The following SNX29 variants were observed in gnomAD, a reference collection of about 807,000 sequenced individuals.
SNX29 encodes the protein sorting nexin 29, also known as sorting nexin-29.
Under a neutral mutation model 102.1 loss-of-function variants are expected in SNX29, and 78 were observed. That is an observed-to-expected ratio of 0.76 (90% CI 0.64 to 0.92). The LOEUF is 0.92. Among genes scored for constraint, SNX29 ranks in the 40% least tolerant of loss-of-function variants. The pLI, the probability that SNX29 is intolerant of heterozygous loss-of-function variation, is 0.00. For missense variants in SNX29, 1,280 were observed against 1,061.7 expected (o/e 1.21, Z -2.86); for synonymous variants, 580 against 414.5 (o/e 1.40, Z -4.85).
At chr16:12,557,916 G>GGGCA (rs1476722376) in intron 20 of SNX29, among the ~76,000 whole-genome samples, 4 of 152,284 alleles carry the variant, frequency 2.6e-5, no homozygotes, top group African/African-American at 4.8e-5. Flanking sequence ...CAAGTCGTCA[G>GGGCA]GGCAGGCAGG....
At chr16:12,365,691 CAA>C (rs570712989) in intron 16 of SNX29, among the ~76,000 whole-genome samples, 7 of 129,424 alleles carry the variant, frequency 5.4e-5, no homozygotes, top group Admixed American at 7.9e-5. Flanking sequence ...ACTCCATCTC[CAA>C]AAAAAAAAAA....
intron 15 of SNX29, among the ~76,000 whole-genome samples, chr16:12,295,229 A>G (rs527266356): frequency 3.3e-4 from 50 of 152,100 alleles, no homozygotes; most frequent in Admixed American, 1.7e-3. Flanking sequence ...CTCCACTTCT[A>G]CTCGTCCCAG....
chr16:12,033,996 G>A (rs2057409777), intron 4 of SNX29, among the ~76,000 whole-genome samples: 1 of 152,014 alleles, frequency 6.6e-6, no homozygotes, highest in Non-Finnish European at 1.5e-5. Context: ...TTCAGAACAT[G>A]CTGCTCATTT....
intron 16 of SNX29, among the ~76,000 whole-genome samples, chr16:12,378,480 T>A (rs1418472814): frequency 6.6e-6 from 1 of 152,050 alleles, no homozygotes; most frequent in Non-Finnish European, 1.5e-5. Context: ...TGAACCTTGT[T>A]TCTACTAAAA....
At chr16:12,479,391 T>C (rs190159865) in intron 19 of SNX29, among the ~76,000 whole-genome samples, 8 of 152,356 alleles carry the variant, frequency 5.3e-5, no homozygotes, top group African/African-American at 1.9e-4. Flanking sequence ...GGGAAATCTA[T>C]TCCCAACCCT....
intron 13 of SNX29, among the ~76,000 whole-genome samples, chr16:12,187,237 A>G (rs997480929): frequency 3.3e-5 from 5 of 152,162 alleles, no homozygotes; most frequent in Non-Finnish European, 7.4e-5. Flanking sequence ...TGTTACCTGC[A>G]CTGCCCCTCT....
At chr16:12,345,958 C>T (rs182072894) in intron 15 of SNX29, among the ~76,000 whole-genome samples, 105 of 152,294 alleles carry the variant, frequency 6.9e-4, no homozygotes, top group African/African-American at 2.5e-3. Context: ...AGCACACAGT[C>T]CCGTCAGCTT....
At chr16:12,108,624 T>G (rs769226245) in intron 11 of SNX29, among the ~76,000 whole-genome samples, 1 of 152,022 alleles carries the variant, frequency 6.6e-6, no homozygotes, top group Non-Finnish European at 1.5e-5. Flanking sequence ...AACAGCCCTG[T>G]GAGTTGAGTG....
chr16:12,271,181 G>GT (rs897306323), intron 14 of SNX29, among the ~76,000 whole-genome samples: 1 of 152,252 alleles, frequency 6.6e-6, no homozygotes, highest in African/African-American at 2.4e-5. Flanking sequence ...CAATCTTTGT[G>GT]TGGGATAGAC....
At chr16:12,439,011 C>T (rs2085672021) in intron 18 of SNX29, among the ~76,000 whole-genome samples, 1 of 152,208 alleles carries the variant, frequency 6.6e-6, no homozygotes, top group Admixed American at 6.5e-5. Context: ...CATTGTCTTC[C>T]ATCGTGGTTG....
chr16:12,513,427 C>A (rs1450415517), intron 19 of SNX29, among the ~76,000 whole-genome samples: 1 of 151,890 alleles, frequency 6.6e-6, no homozygotes, highest in Admixed American at 6.6e-5. Flanking sequence ...TTCCTCCTAC[C>A]CTCTCCTCTT....
intron 14 of SNX29, among the ~76,000 whole-genome samples, chr16:12,259,221 T>C (rs2078661573): frequency 6.6e-6 from 1 of 152,224 alleles, no homozygotes; most frequent in Admixed American, 6.5e-5. Flanking sequence ...TGTCAAGGTC[T>C]CCTTCTCAAC....
chr16:12,552,910 A>G (rs1259290992), intron 20 of SNX29, among the ~76,000 whole-genome samples: 1 of 152,252 alleles, frequency 6.6e-6, no homozygotes, highest in Non-Finnish European at 1.5e-5. Flanking sequence ...AGGCAAGGGC[A>G]GCAGAGCTGA....
At chr16:12,454,256 A>T (rs2086435534) in intron 18 of SNX29, among the ~76,000 whole-genome samples, 1 of 152,174 alleles carries the variant, frequency 6.6e-6, no homozygotes, top group Admixed American at 6.5e-5. Flanking sequence ...CTCTGCAGCT[A>T]AGATCGCAGA....
intron 19 of SNX29, among the ~76,000 whole-genome samples, chr16:12,509,871 T>C (rs1953822983): frequency 6.6e-6 from 1 of 152,266 alleles, no homozygotes; most frequent in South Asian, 2.1e-4. Flanking sequence ...CCTGTATTTA[T>C]TCCCTCATGT....
At chr16:12,568,047 T>C (rs1487470856) in intron 20 of SNX29, among the ~76,000 whole-genome samples, 4 of 152,200 alleles carry the variant, frequency 2.6e-5, no homozygotes, top group African/African-American at 9.6e-5. Flanking sequence ...GCCTAGGGCC[T>C]GATTATTTTC....
rs563964907 is a variant in SNX29, at chr16:12,433,661, C to T, written c.2037+30132C>T. On this transcript the variant is annotated intron_variant, in intron 18 of 20. Coordinates refer to ENST00000566228, the MANE Select transcript of SNX29 (RefSeq NM_032167.5). ...AAAAAAAAAAAAAAAGGAAACTTAG[C>T]TGGGCGTGGTGGGCGTGGTGGGCAT... 3.5e-5 allele frequency among the ~76,000 whole-genome samples: 5 copies of T among 142,176 alleles called. No homozygotes were observed. The South Asian group carries it at 1.2e-3, about 33-fold the overall frequency. The allele number at this position is 142,176 out of a possible 152,430, so 93.3% of individuals were successfully genotyped here. A position where few individuals can be genotyped will look rare whatever the true frequency, so the allele number is the denominator to read the frequency against.
At chr16:12,496,041 C>T (rs1032838642) in intron 19 of SNX29, among the ~76,000 whole-genome samples, 1 of 150,892 alleles carries the variant, frequency 6.6e-6, no homozygotes, top group African/African-American at 2.4e-5. Flanking sequence ...GGATGAGACT[C>T]TGTCAAAAAA....
chr16:12,196,052 T>C (rs1012377683), intron 13 of SNX29, among the ~76,000 whole-genome samples: 1 of 148,774 alleles, frequency 6.7e-6, no homozygotes, highest in East Asian at 2.0e-4. Context: ...CTTTGTTCAC[T>C]GCAACCTCCA....
Sources: gnomAD v4.1 joint callset for allele counts (sites outside exome capture counted in the v4.1 genomes callset) on GRCh38, gnomAD v4.1.1 for gene constraint, MANE v1.5 for transcripts, NCBI Gene and HGNC (gene_info 2026-07-23, HGNC 2026-07-21) for gene names.